The following TRIM3 variants were observed in gnomAD, a reference collection of about 807,000 sequenced individuals.
TRIM3 encodes the protein tripartite motif containing 3, also known as tripartite motif-containing protein 3.
In TRIM3, 13 loss-of-function variants were observed where a neutral mutation model predicts 66.6. The observed-to-expected ratio is 0.20, with a 90% CI of 0.13 to 0.31. The LOEUF is 0.31. TRIM3 is among the 10% of genes least tolerant of loss of function. The probability of loss-of-function intolerance (pLI) is 1.00; values close to 1 mark genes in which losing one functional copy is unlikely to be tolerated. For synonymous variants in TRIM3, 406 were observed against 411.7 expected (o/e 0.99, Z 0.17); for missense variants, 711 against 1,020.4 (o/e 0.70, Z 4.13).
At chr11:6,473,497 G>C (rs1475560253) in intron 1 of TRIM3, among the ~76,000 whole-genome samples, 1 of 151,830 alleles carries the variant, frequency 6.6e-6, no homozygotes, top group Admixed American at 6.6e-5. Flanking sequence ...CACCACCCTC[G>C]GCCGCAGCGT....
rs1051935281 is a variant in TRIM3, at chr11:6,457,228, G to C, written c.696+68C>G. The C allele has an allele frequency of 6.3e-7, 1 of 1,577,532 alleles. No homozygotes were observed. The highest frequency in any genetic ancestry group is 1.3e-5 in the African/African-American group (1 of 74,520). On this transcript the variant is annotated intron_variant, in intron 5 of 11. Coordinates refer to ENST00000345851, the MANE Select transcript of TRIM3 (RefSeq NM_033278.4). This position sits in a 1 kb window ranked among gnomAD's most constrained non-coding sequence, Gnocchi z 4.5. ...GAATGGGGAGCTGGTGTGGAAGACA[G>C]AGGAACAATGGAGGCAATAACACCA... is the stretch of plus-strand genomic sequence containing the variant.
intron 2 of TRIM3, among the ~76,000 whole-genome samples, chr11:6,460,454 A>G (rs1850176891): frequency 6.6e-6 from 1 of 152,166 alleles, no homozygotes; most frequent in Non-Finnish European, 1.5e-5. Context: ...GGAAGAGACT[A>G]CAAAACTGAG....
Position 6,458,125 on chromosome 11 carries a change from G to A in TRIM3, c.303C>T (p.Asp101=), listed in dbSNP as rs760990411. ...QAPDGAHDPE[D]PHPLSVVAGR... is the part of the protein sequence containing the mutation. ...CAGCCACTACACTGAGGGGGTGGGG[G>A]TCCTCCGGGTCGTGGGCCCCATCAG... Residue 101 remains aspartate (D), a synonymous_variant, in exon 3 of 12, where the codon GAC becomes GAT. Coordinates refer to ENST00000345851, the MANE Select transcript of TRIM3 (RefSeq NM_033278.4). This position sits in a 1 kb window ranked among gnomAD's most constrained non-coding sequence, Gnocchi z 6.2. 3 of 1,613,844 alleles carry A rather than the reference G, an allele frequency of 1.9e-6. No homozygotes were observed. The highest frequency in any genetic ancestry group is 2.5e-6 in the Non-Finnish European group (3 of 1,180,026).
intron 1 of TRIM3, among the ~76,000 whole-genome samples, chr11:6,469,329 C>T (rs902760323): frequency 2.0e-5 from 3 of 152,202 alleles, no homozygotes; most frequent in African/African-American, 7.2e-5. Context: ...TCCTCCCCTT[C>T]CTGCTTCAGT....
chr11:6,451,123 A>ACTGG, intron 8 of TRIM3, 63 bp from the exon 9 acceptor site: 1 of 1,603,602 alleles, frequency 6.2e-7, no homozygotes, highest in South Asian at 1.1e-5. Context: ...GTCCTAACCC[A>ACTGG]GTACCAAAGC....
chr11:6,473,289 G>T (rs1012895284), intron 1 of TRIM3: 1 of 148,576 alleles, frequency 6.7e-6, no homozygotes, highest in Non-Finnish European at 1.5e-5. Context: ...TCTGTCCACA[G>T]AGCAGTGCAT....
intron 1 of TRIM3, among the ~76,000 whole-genome samples, chr11:6,466,516 C>G (rs964012986): frequency 6.6e-6 from 1 of 151,852 alleles, no homozygotes; most frequent in Non-Finnish European, 1.5e-5. Flanking sequence ...TTATATTGAC[C>G]AGTGAGGCTT....
In TRIM3 at chr11:6,456,527, A is replaced by T; in HGVS notation, c.1199T>A (p.Leu400His). 1 of 1,592,560 alleles carries T rather than the reference A, an allele frequency of 6.3e-7. No homozygotes were observed. Among genetic ancestry groups the T allele is most frequent in the Non-Finnish European group, 8.6e-7 (1 of 1,164,300 alleles). The change falls in exon 6 of 12, where the codon CTC becomes CAC. Residue 400 changes from leucine (L) to histidine (H), a missense_variant. Leu to His is a moderately conservative substitution (Grantham distance 99). Coordinates refer to ENST00000345851, the MANE Select transcript of TRIM3 (RefSeq NM_033278.4). This position sits in a 1 kb window ranked among gnomAD's most constrained non-coding sequence, Gnocchi z 6.4. ...TGGCTGTCCGTAGAGCAGCACCGAG[A>T]GGAGCAGCTCGCCTTCCGTGCGCGC... is the stretch of plus-strand genomic sequence containing the variant. ...YTARTEGELL[L>H]SVLLYGQPVR... is the part of the protein sequence containing the mutation.
At chr11:6,470,131 C>T (rs1442983693) in intron 1 of TRIM3, among the ~76,000 whole-genome samples, 2 of 152,152 alleles carry the variant, frequency 1.3e-5, no homozygotes, top group Non-Finnish European at 2.9e-5. Flanking sequence ...TATAGAGTGA[C>T]AAAAGTACAT....
rs1203186035 is a variant in TRIM3 at position 6,457,894 on chromosome 11, C to G, written c.364-47G>C. 3 of 1,607,962 alleles carry G rather than the reference C, an allele frequency of 1.9e-6. No homozygotes were observed. The highest frequency in any genetic ancestry group is 2.2e-5 in the South Asian group (2 of 90,450). On this transcript the variant is annotated intron_variant, in intron 3 of 11. Coordinates refer to ENST00000345851, the MANE Select transcript of TRIM3 (RefSeq NM_033278.4). The surrounding 1 kb of genome is among the most constrained non-coding windows in gnomAD (Gnocchi z 4.5). ...CGGGTAATGGCTAGACATCACACTT[C>G]TTTGTCCCCTCCCCACCTGCCCTCC...
rs56046525 is a variant in TRIM3, at chr11:6,457,680, C to T, written c.515+16G>A. On this transcript the variant is annotated intron_variant, in intron 4 of 11. Coordinates refer to ENST00000345851, the MANE Select transcript of TRIM3 (RefSeq NM_033278.4). This position sits in a 1 kb window ranked among gnomAD's most constrained non-coding sequence, Gnocchi z 4.5. ...CCCTGTGGCCCCACCAGCCCAGGAC[C>T]CTGCCCAGTGCCTACCGGCCACGCA... 8 of 1,607,688 alleles carry T rather than the reference C, an allele frequency of 5.0e-6. No homozygotes were observed. Among genetic ancestry groups the T allele is most frequent in the African/African-American group, 4.0e-5 (3 of 74,808 alleles).
intron 7 of TRIM3, among the ~76,000 whole-genome samples, chr11:6,453,519 A>G (rs556193238): frequency 6.6e-6 from 1 of 152,308 alleles, no homozygotes; most frequent in Admixed American, 6.5e-5. Flanking sequence ...ATAAAACAAA[A>G]CAAAACCAGA....
rs192639396 is a variant in TRIM3 at position 6,464,939 on chromosome 11, A to G, written c.131+626T>C. Among the ~76,000 whole-genome samples the G allele has an allele frequency of 2.2e-4, 32 of 142,624 alleles. No individual in the cohort carries two copies. The South Asian group carries it at 4.3e-3, about 19-fold the overall frequency. 93.6% of individuals were successfully genotyped at this position (142,624 alleles called of 152,430 possible). ...GAGGCAGAGGTTGCAGTGAGCCGAG[A>G]TCGTGCCACTACACTCCACCTTGGG... On this transcript the variant is annotated intron_variant, in intron 2 of 11. Coordinates refer to ENST00000345851, the MANE Select transcript of TRIM3 (RefSeq NM_033278.4).
intron 2 of TRIM3, among the ~76,000 whole-genome samples, chr11:6,461,039 G>A (rs1021718876): frequency 1.3e-5 from 2 of 151,478 alleles, no homozygotes; most frequent in East Asian, 3.9e-4. Flanking sequence ...CCGAGCAGCT[G>A]GGATTATAGG....
chr11:6,457,550 T>C lies in TRIM3; in HGVS notation c.516-74A>G, dbSNP rs1255900119. On this transcript the variant is annotated intron_variant, in intron 4 of 11. Coordinates refer to ENST00000345851, the MANE Select transcript of TRIM3 (RefSeq NM_033278.4). This position sits in a 1 kb window ranked among gnomAD's most constrained non-coding sequence, Gnocchi z 4.5. ...AACTTTCCCTTCTCCCTGGGGAACCTACTGCTGCCCTCATGGAGATCTCCT... is the reference window on the plus strand; with the variant it reads ...AACTTTCCCTTCTCCCTGGGGAACCCACTGCTGCCCTCATGGAGATCTCCT... 1.3e-6 allele frequency: 2 copies of C among 1,572,282 alleles called. No individual in the cohort carries two copies. Among genetic ancestry groups the C allele is most frequent in the East Asian group, 2.2e-5 (1 of 44,526 alleles).
At chr11:6,466,706 C>A (rs1850487049) in intron 1 of TRIM3, among the ~76,000 whole-genome samples, 1 of 151,314 alleles carries the variant, frequency 6.6e-6, no homozygotes, top group African/African-American at 2.4e-5. Context: ...CTTTTCCTGG[C>A]TGATGTGACA....
chr11:6,459,174 G>T (rs1381081963), intron 2 of TRIM3, among the ~76,000 whole-genome samples: 4 of 152,176 alleles, frequency 2.6e-5, no homozygotes, highest in African/African-American at 7.2e-5. Flanking sequence ...CAGGCAGAGG[G>T]GGAAGGGTAG....
chr11:6,469,226 G>C (rs1307566789), intron 1 of TRIM3, among the ~76,000 whole-genome samples: 1 of 152,164 alleles, frequency 6.6e-6, no homozygotes, highest in Non-Finnish European at 1.5e-5. Context: ...TGGATGCCAG[G>C]CTCCACCTCT....
chr11:6,450,544 C>A lies in TRIM3; in HGVS notation c.1941+7G>T, dbSNP rs1271022649. 42 of 1,613,710 alleles carry A rather than the reference C, an allele frequency of 2.6e-5. No homozygotes were observed. The highest frequency in any genetic ancestry group is 3.6e-5 in the Non-Finnish European group (42 of 1,179,696). ...ACAGTGGTCACGGAGGGAGGGAAGA[C>A]ACTGACCTTCACTGAATGGTTATGG... is the stretch of plus-strand genomic sequence containing the variant. On this transcript the variant is annotated splice_region_variant and intron_variant, in intron 10 of 11. Transcript: ENST00000345851. This position sits in a 1 kb window ranked among gnomAD's most constrained non-coding sequence, Gnocchi z 4.8.
Sources: gnomAD v4.1 joint callset for allele counts (sites outside exome capture counted in the v4.1 genomes callset) on GRCh38, gnomAD v4.1.1 for gene constraint, Gnocchi (gnomAD v3.1) non-coding constraint, MANE v1.5 for transcripts, NCBI Gene and HGNC (gene_info 2026-07-23, HGNC 2026-07-21) for gene names.